FBXO4: variants seen among roughly 807,000 people sequenced by gnomAD.
The protein encoded by FBXO4 is F-box only protein 4.
Under a neutral mutation model 43.7 loss-of-function variants are expected in FBXO4, and 36 were observed. The observed-to-expected ratio is 0.82, with a 90% CI of 0.63 to 1.09. The LOEUF is 1.09. Ranked by LOEUF, FBXO4 falls within the 50% of genes least tolerant of loss-of-function variation. FBXO4 has a pLI of 0.00. For missense variants in FBXO4, 435 were observed against 474.1 expected, an observed-to-expected ratio of 0.92 and a Z score of 0.77; for synonymous variants, 180 against 165.6, an observed-to-expected ratio of 1.09 and a Z score of -0.67.
At chr5:41,965,644 G>A in the FBXO4 span, among the ~76,000 whole-genome samples, 12 of 152,206 alleles carry the variant, frequency 7.9e-5, no homozygotes, top group East Asian at 5.8e-4. Context: ...TTAGAATGGC[G>A]ATCATTAAAA....
Position 41,927,047 on chromosome 5 carries a change from C to G in FBXO4, c.224C>G (p.Ser75Ter). The change falls in exon 2 of 7, where the codon TCA becomes TGA. Residue 75 changes from serine (S) to a stop codon, truncating the protein, a stop_gained. Transcript: ENST00000281623. LOFTEE classifies it high-confidence loss of function. ...DVQLYILSFL[S>*]PHDLCQLGST... ...CAGCTATATATTTTGTCCTTTCTTT[C>G]ACCTCATGATCTGTGTCAGTTGGGA... is the stretch of plus-strand genomic sequence containing the variant. 6.2e-7 allele frequency: 1 copy of G among 1,611,948 alleles called. No individual in the cohort carries two copies. The highest frequency in any genetic ancestry group is 8.5e-7 in the Non-Finnish European group (1 of 1,179,356).
At chr5:42,027,442 T>C in the FBXO4 span, among the ~76,000 whole-genome samples, 1 of 151,974 alleles carries the variant, frequency 6.6e-6, no homozygotes, top group African/African-American at 2.4e-5. Context: ...TTTTTTCTTC[T>C]TAGTCTGGCT....
At chr5:41,950,599 G>A in the FBXO4 span, among the ~76,000 whole-genome samples, 1 of 152,074 alleles carries the variant, frequency 6.6e-6, no homozygotes, top group Admixed American at 6.6e-5. Flanking sequence ...ATAGGAATGC[G>A]TTTACACTGT....
chr5:41,939,433 T>G lies in FBXO4; in HGVS notation c.899-8T>G, dbSNP rs1386592703. 3.1e-6 allele frequency: 5 copies of G among 1,591,400 alleles called. No individual in the cohort carries two copies. The Admixed American group carries it at 8.8e-5, about 28-fold the overall frequency. ...TGCAAATTAAGGGTTTTGACTTACATTCCTTAGGACATGAATGGCAAGATG... is the reference window on the plus strand; with the variant it reads ...TGCAAATTAAGGGTTTTGACTTACAGTCCTTAGGACATGAATGGCAAGATG... On this transcript the variant is annotated splice_polypyrimidine_tract_variant and splice_region_variant and intron_variant, in intron 5 of 6. Transcript: ENST00000281623.
chr5:41,938,542 C>A (rs1415792454), intron 5 of FBXO4, among the ~76,000 whole-genome samples: 3 of 152,188 alleles, frequency 2.0e-5, no homozygotes, highest in Non-Finnish European at 2.9e-5. Flanking sequence ...TTTTCAATTT[C>A]TATTAACAAA....
At chr5:42,005,162 C>T in the FBXO4 span, among the ~76,000 whole-genome samples, 1 of 152,154 alleles carries the variant, frequency 6.6e-6, no homozygotes, top group Non-Finnish European at 1.5e-5. Context: ...AGAGAAGATA[C>T]AGCCGGAGAA....
chr5:41,947,795 T>C, the FBXO4 span, among the ~76,000 whole-genome samples: 1 of 152,156 alleles, frequency 6.6e-6, no homozygotes, highest in African/African-American at 2.4e-5. Flanking sequence ...TGAGTGATGA[T>C]AGTTTCTACA....
At chr5:41,953,421 A>G in the FBXO4 span, among the ~76,000 whole-genome samples, 3 of 152,178 alleles carry the variant, frequency 2.0e-5, no homozygotes, top group Non-Finnish European at 4.4e-5. Context: ...GTTGGTTCCA[A>G]GTCTTTGCTA....
At chr5:41,991,731 G>A in the FBXO4 span, among the ~76,000 whole-genome samples, 1 of 152,162 alleles carries the variant, frequency 6.6e-6, no homozygotes, top group Admixed American at 6.5e-5. Context: ...ATCTGTAGAG[G>A]TATTTAAGAA....
At chr5:41,968,982 T>C in the FBXO4 span, among the ~76,000 whole-genome samples, 7 of 152,250 alleles carry the variant, frequency 4.6e-5, no homozygotes, top group Non-Finnish European at 8.8e-5. Flanking sequence ...GTTATTTATA[T>C]TGAAGGTTTT....
At chr5:41,978,298 T>A in the FBXO4 span, among the ~76,000 whole-genome samples, 15 of 152,272 alleles carry the variant, frequency 9.9e-5, no homozygotes, top group African/African-American at 3.6e-4. Context: ...TTGCACCAGG[T>A]CACACCTCCA....
At chr5:41,954,039 G>A in the FBXO4 span, among the ~76,000 whole-genome samples, 1 of 152,148 alleles carries the variant, frequency 6.6e-6, no homozygotes, top group Non-Finnish European at 1.5e-5. Context: ...CCTTCAAAGT[G>A]TTGAGGTTAA....
intron 3 of FBXO4, among the ~76,000 whole-genome samples, chr5:41,930,738 G>C (rs964308426): frequency 4.6e-5 from 7 of 151,280 alleles, no homozygotes; most frequent in African/African-American, 1.7e-4. Context: ...CGCGATCTCG[G>C]CTCACTGCCA....
chr5:41,947,535 T>G, the FBXO4 span, among the ~76,000 whole-genome samples: 1 of 152,210 alleles, frequency 6.6e-6, no homozygotes, highest in Non-Finnish European at 1.5e-5. Context: ...TTAATCAGGC[T>G]TAAGCTTTCA....
the FBXO4 span, among the ~76,000 whole-genome samples, chr5:42,006,774 T>C: frequency 6.6e-6 from 1 of 151,104 alleles, no homozygotes; most frequent in East Asian, 1.9e-4. Context: ...TGATTCTCCT[T>C]CACTTTGGTT....
chr5:42,001,934 C>A, the FBXO4 span, among the ~76,000 whole-genome samples: 1 of 152,032 alleles, frequency 6.6e-6, no homozygotes, highest in African/African-American at 2.4e-5. Flanking sequence ...TGACCTTGGG[C>A]GATCTGCTCG....
chr5:42,023,535 T>C, the FBXO4 span, among the ~76,000 whole-genome samples: 2 of 152,058 alleles, frequency 1.3e-5, no homozygotes, highest in Admixed American at 6.6e-5. Context: ...TAAATTGTTA[T>C]ACAGTTGCTG....
chr5:41,948,649 A>G, the FBXO4 span, among the ~76,000 whole-genome samples: 1 of 152,118 alleles, frequency 6.6e-6, no homozygotes. Context: ...TTTTGCTTTT[A>G]TCAGTCAATA....
the FBXO4 span, among the ~76,000 whole-genome samples, chr5:41,974,132 C>T: frequency 3.3e-5 from 5 of 152,066 alleles, no homozygotes; most frequent in Non-Finnish European, 7.4e-5. Flanking sequence ...TTTGTTGTCT[C>T]AACACTTCTT....
Sources: gnomAD v4.1 joint callset for allele counts (sites outside exome capture counted in the v4.1 genomes callset) on GRCh38, gnomAD v4.1.1 for gene constraint, MANE v1.5 for transcripts, NCBI Gene and HGNC (gene_info 2026-07-23, HGNC 2026-07-21) for gene names.